The following PLCD1 variants were observed in gnomAD, a reference collection of about 807,000 sequenced individuals.
The protein encoded by PLCD1 is 1-phosphatidylinositol 4,5-bisphosphate phosphodiesterase delta-1.
PLCD1 carries 71 observed loss-of-function variants against 87.4 expected under a neutral mutation model. The ratio of observed to expected loss-of-function variants is 0.81; its 90% CI spans 0.67 to 0.99. The LOEUF (loss-of-function observed/expected upper bound fraction) is 0.99. Among genes scored for constraint, PLCD1 ranks in the 50% least tolerant of loss-of-function variants. PLCD1 has a pLI of 0.00. For synonymous variants in PLCD1, 348 were observed against 399.2 expected (o/e 0.87, Z 1.53); for missense variants, 867 against 1,001.5 (o/e 0.87, Z 1.81).
At chr3:38,024,416 G>C (rs201924060) in intron 1 of PLCD1, 1 of 1,612,368 alleles carries the variant, frequency 6.2e-7, no homozygotes, top group African/African-American at 1.3e-5. Flanking sequence ...TCCGGCTCCG[G>C]ATCCCCAGGC....
chr3:38,016,145 T>C (rs1330638209), intron 3 of PLCD1, among the ~76,000 whole-genome samples: 1 of 152,100 alleles, frequency 6.6e-6, no homozygotes, highest in East Asian at 1.9e-4. Context: ...TTGGTTGAGA[T>C]GAGGTCATGA....
chr3:38,027,495 T>G (rs936664004), intron 1 of PLCD1, among the ~76,000 whole-genome samples: 1 of 152,220 alleles, frequency 6.6e-6, no homozygotes, highest in African/African-American at 2.4e-5. Context: ...AGACTTGAAC[T>G]CAGGTACTTT....
chr3:38,024,325 TGC>T (rs1307614247), intron 1 of PLCD1: 1 of 1,611,004 alleles, frequency 6.2e-7, no homozygotes, highest in South Asian at 1.1e-5. Context: ...CGGAGTGCTC[TGC>T]GCCCCTTACC....
chr3:38,021,885 C>T (rs1239571126), intron 1 of PLCD1, among the ~76,000 whole-genome samples: 4 of 152,176 alleles, frequency 2.6e-5, no homozygotes, highest in Admixed American at 1.3e-4. Context: ...TCCATACCCC[C>T]TCCCCCAGCC....
At chr3:38,024,844 G>T (rs928960347) in intron 1 of PLCD1, 3 of 774,884 alleles carry the variant, frequency 3.9e-6, no homozygotes, top group Non-Finnish European at 5.3e-6. Flanking sequence ...TCCAAGAGGG[G>T]TGGGACTAAC....
At chr3:38,008,975 C>G in intron 11 of PLCD1, 67 bp downstream of exon 11, 3 of 1,329,654 alleles carry the variant, frequency 2.3e-6, no homozygotes, top group Non-Finnish European at 3.3e-6. Flanking sequence ...GCCTTCGAGG[C>G]TCCAGGCCCC....
Position 38,007,840 on chromosome 3 carries a change from A to T in PLCD1, c.2204T>A (p.Leu735His). 1 of 1,614,122 alleles carries T rather than the reference A, an allele frequency of 6.2e-7. No homozygotes were observed. The highest frequency in any genetic ancestry group is 1.1e-5 in the South Asian group (1 of 91,084). The change falls in exon 15 of 15, where the codon CTC becomes CAC. Residue 735 changes from leucine (L) to histidine (H), a missense_variant. Physicochemically the swap from Leu to His is moderately conservative, Grantham distance 99. Coordinates refer to ENST00000334661, the MANE Select transcript of PLCD1 (RefSeq NM_006225.4). The part of the protein sequence containing the change: ...SLKQGYRHVH[L>H]MSKNGDQHPS... ...ATGCTGGTCCCCGTTCTTAGACATG[A>T]GGTGGACATGGCGGTATCCTGGTGG...
chr3:38,008,780 A>G, intron 11 of PLCD1, 144 bp from the exon 12 acceptor site: 1 of 738,382 alleles, frequency 1.4e-6, no homozygotes, highest in Admixed American at 2.1e-5. Flanking sequence ...CCCTCCTGCC[A>G]CCCTCAGTGA....
Position 38,016,647 on chromosome 3 carries a change from A to G in PLCD1, c.272T>C (p.Val91Ala). 6.2e-7 allele frequency: 1 copy of G among 1,604,672 alleles called. No individual in the cohort carries two copies. ...AATGGAGAAGCAGCGGTCCTCGGGC[A>G]CATCACGGGCGAACTTCTCCAGACC... ...TEGLEKFARD[V>A]PEDRCFSIVF... Residue 91 changes from valine (V) to alanine (A), a missense_variant, in exon 3 of 15, where the codon GTG (valine) becomes GCG (alanine). Transcript: ENST00000334661.
chr3:38,026,672 G>T (rs1367882828), intron 1 of PLCD1, among the ~76,000 whole-genome samples: 1 of 152,254 alleles, frequency 6.6e-6, no homozygotes, highest in Non-Finnish European at 1.5e-5. Flanking sequence ...CCCAGGGGCA[G>T]ACTGCTTTGG....
intron 1 of PLCD1, among the ~76,000 whole-genome samples, chr3:38,020,629 A>G (rs1471425591): frequency 2.6e-5 from 4 of 152,122 alleles, no homozygotes; most frequent in African/African-American, 9.7e-5. Flanking sequence ...CGTGCCACCC[A>G]CAGCTGAATG....
intron 2 of PLCD1, among the ~76,000 whole-genome samples, chr3:38,019,231 A>G (rs1700199133): frequency 2.0e-5 from 3 of 152,078 alleles, no homozygotes; most frequent in Admixed American, 1.3e-4. Context: ...GCTATGTGAA[A>G]CCCAGGCTGC....
chr3:38,013,414 C>T (rs1700112416), intron 3 of PLCD1, among the ~76,000 whole-genome samples: 2 of 151,792 alleles, frequency 1.3e-5, no homozygotes, highest in African/African-American at 4.8e-5. Context: ...GGGGTTTCAC[C>T]GTGTTAGCCA....
chr3:38,013,176 C>T (rs918694576), intron 3 of PLCD1, among the ~76,000 whole-genome samples: 4 of 151,398 alleles, frequency 2.6e-5, no homozygotes, highest in Admixed American at 6.6e-5. Context: ...AGGTGTGAGC[C>T]GCCGAGCCCA....
At position 38,009,356 on chromosome 3, in the gene PLCD1, A is replaced by T. The variant is rs766900159; in HGVS notation, c.1522T>A (p.Ser508Thr). 2 of 1,614,126 alleles carry T rather than the reference A, an allele frequency of 1.2e-6. No homozygotes were observed. The highest frequency in any genetic ancestry group is 8.5e-7 in the Non-Finnish European group (1 of 1,179,978). The change falls in exon 10 of 15, where the codon TCC (serine) becomes ACC (threonine). Residue 508 changes from serine to threonine, a missense_variant. By Grantham distance (58) the Ser-to-Thr change is moderately conservative. Coordinates refer to ENST00000334661, the MANE Select transcript of PLCD1 (RefSeq NM_006225.4). ...YCKSVHFGGF[S>T]SPGTPGQAFY... ...GCCTGTCCAGGGGTGCCAGGACTGG[A>T]GAAGCCCCCAAAGTGGACACTCTTG...
At position 38,009,983 on chromosome 3, in the gene PLCD1, C is replaced by T. The variant is rs137913999; in HGVS notation, c.1208G>A (p.Arg403Gln). ...GGGGCCCAGGATGGCATGCAGGTGC[C>T]GCGCCATCACGCGCTGCTGCTCCAG... ...CTLEQQRVMA[R>Q]HLHAILGPML... The change falls in exon 8 of 15, where the codon CGG becomes CAG. Residue 403 changes from arginine to glutamine, a missense_variant. Physicochemically the swap from Arg to Gln is conservative, Grantham distance 43. Coordinates refer to ENST00000334661, the MANE Select transcript of PLCD1 (RefSeq NM_006225.4). 1.6e-5 allele frequency: 26 copies of T among 1,613,998 alleles called. 1 individual carries two copies. Among genetic ancestry groups the T allele is most frequent in the African/African-American group, 1.1e-4 (8 of 75,040 alleles).
chr3:38,024,262 G>C (rs1700275013), intron 1 of PLCD1: 2 of 1,356,138 alleles, frequency 1.5e-6, no homozygotes, highest in African/African-American at 2.9e-5. Flanking sequence ...CCGCGTTAAG[G>C]GACAAGTGGT....
chr3:38,011,448 G>T lies in PLCD1; in HGVS notation c.559-3C>A, dbSNP rs1405952268. The T allele has an allele frequency of 3.1e-6, 5 of 1,612,908 alleles. No homozygotes were observed. The African/African-American group carries it at 6.7e-5, about 22-fold the overall frequency. ...TCTGTCTGGGAGTGGTCACACTCCT[G>T]CAGAGCCAGGACAGCCGAGTGGGCT... On this transcript the variant is annotated splice_polypyrimidine_tract_variant and splice_region_variant and intron_variant, in intron 4 of 14. Transcript: ENST00000334661.
chr3:38,023,478 C>T lies in PLCD1; in HGVS notation c.35-3126G>A, dbSNP rs144066648. On this transcript the variant is annotated intron_variant, in intron 1 of 14. Coordinates refer to ENST00000334661, the MANE Select transcript of PLCD1 (RefSeq NM_006225.4). ...CACATGCACTTAATTCTCTCAATAA[C>T]CCTCTGAGGAAGGCACTGTCATTAT... is the stretch of plus-strand genomic sequence containing the variant. 2.7e-3 allele frequency among the ~76,000 whole-genome samples: 405 copies of T among 152,260 alleles called. 3 individuals are homozygous for T. The highest frequency in any genetic ancestry group is 9.4e-3 in the African/African-American group (391 of 41,536).
Sources: allele counts gnomAD v4.1 joint callset (sites outside exome capture counted in the v4.1 genomes callset), GRCh38; gene constraint gnomAD v4.1.1; transcripts MANE v1.5; gene names NCBI Gene and HGNC (gene_info 2026-07-23, HGNC 2026-07-21).